Variants in C11orf65 observed in about 807,000 individuals in gnomAD.
C11orf65 encodes protein MFI.
Under a neutral mutation model 35.3 loss-of-function variants are expected in C11orf65, and 38 were observed. That is an observed-to-expected ratio of 1.08 (90% CI 0.83 to 1.41). The LOEUF is 1.41. C11orf65 is among the 40% of genes most tolerant of loss of function. C11orf65 has a pLI of 0.00. For synonymous variants in C11orf65, 105 were observed against 114.4 expected, an observed-to-expected ratio of 0.92 and a Z score of 0.53; for missense variants, 370 against 367.1, an observed-to-expected ratio of 1.01 and a Z score of -0.06.
At chr11:108,429,419 T>TAA (rs34209999) in intron 3 of C11orf65, among the ~76,000 whole-genome samples, 39 of 152,264 alleles carry the variant, frequency 2.6e-4, no homozygotes, top group Admixed American at 2.2e-3. Context: ...TGTTTTATAA[T>TAA]AAAAATCAAA....
At chr11:108,413,465 A>C (rs562029399) in intron 3 of C11orf65, among the ~76,000 whole-genome samples, 1 of 152,330 alleles carries the variant, frequency 6.6e-6, no homozygotes, top group South Asian at 2.1e-4. Context: ...TCATGTCACC[A>C]GTAGAAAAAA....
At chr11:108,448,812 G>A (rs546403376) in intron 2 of C11orf65, among the ~76,000 whole-genome samples, 2,674 of 152,136 alleles carry the variant, frequency 0.018, 73 homozygotes, top group African/African-American at 0.061. Context: ...GGAAATAAAG[G>A]GTATTCAATT....
At position 108,406,826 on chromosome 11, in the gene C11orf65, T is replaced by A. The variant is rs781128939; in HGVS notation, c.366A>T (p.Glu122Asp). The part of the protein sequence containing the change: ...TSHNKNDHLQ[E>D]EDHSGWYHRI... ...GATGATACCAGCCACTATGATCCTCTTCCTGAAGATGATCATTTTTATTAT... is the reference window on the plus strand; with the variant it reads ...GATGATACCAGCCACTATGATCCTCATCCTGAAGATGATCATTTTTATTAT... The change falls in exon 5 of 9, where the codon GAA (glutamate) becomes GAT (aspartate). Residue 122 changes from glutamate (E) to aspartate (D), a missense_variant. Coordinates refer to ENST00000393084, the MANE Select transcript of C11orf65 (RefSeq NM_152587.5). 1.1e-5 allele frequency: 18 copies of A among 1,613,366 alleles called. No homozygotes were observed. The Admixed American group carries it at 3.0e-4, about 27-fold the overall frequency.
chr11:108,375,509 C>T (rs1311720742), intron 2 of C11orf65, among the ~76,000 whole-genome samples: 4 of 150,482 alleles, frequency 2.7e-5, no homozygotes, highest in East Asian at 3.9e-4. Context: ...AAGGAACAAC[C>T]AGTACCAGCC....
chr11:108,381,975 T>C (rs2091875479), downstream of C11orf65, among the ~76,000 whole-genome samples: 1 of 152,104 alleles, frequency 6.6e-6, no homozygotes, highest in Non-Finnish European at 1.5e-5. Flanking sequence ...TGCTCAGCCA[T>C]GTTATGAGGC....
intron 2 of C11orf65, among the ~76,000 whole-genome samples, chr11:108,352,288 A>G (rs2089303405): frequency 6.6e-6 from 1 of 152,234 alleles, no homozygotes; most frequent in African/African-American, 2.4e-5. Context: ...ATTAAAATAT[A>G]GTAAGTCTCA....
upstream of C11orf65, among the ~76,000 whole-genome samples, chr11:108,467,840 C>A (rs2093557504): frequency 6.6e-6 from 1 of 152,044 alleles, no homozygotes; most frequent in South Asian, 2.1e-4. Flanking sequence ...TAAAATTTTT[C>A]TTGAGATAGG....
chr11:108,392,338 A>G (rs897724846), intron 7 of C11orf65, among the ~76,000 whole-genome samples: 1 of 152,182 alleles, frequency 6.6e-6, no homozygotes, highest in African/African-American at 2.4e-5. Context: ...CACCATGCCC[A>G]GCCCACTAAT....
rs2136339054 is a variant in C11orf65 at position 108,326,199 on chromosome 11, AAG to A, written c.641-17130_641-17129del. On this transcript the variant is annotated intron_variant, in intron 6 of 6. Coordinates refer to the C11orf65 transcript ENST00000525729. ...CCTGAGTATTCTCAAGCAAATGATC[AAG>A]AAGTTGGATGCCAGCTGTGCAGCGG... is the stretch of plus-strand genomic sequence containing the variant. The A allele has an allele frequency of 6.2e-7, 1 of 1,614,174 alleles. No homozygotes were observed. Among genetic ancestry groups the A allele is most frequent in the Non-Finnish European group, 8.5e-7 (1 of 1,180,014 alleles).
chr11:108,398,963 C>A (rs2138526649), intron 6 of C11orf65, among the ~76,000 whole-genome samples: 1 of 152,236 alleles, frequency 6.6e-6, no homozygotes, highest in East Asian at 1.9e-4. Flanking sequence ...AGCCTGTCAC[C>A]AACTAGCCAG....
In C11orf65 at chr11:108,429,846, T is replaced by C. The variant is rs976652426; in HGVS notation, c.174+1900A>G. 9.9e-5 allele frequency among the ~76,000 whole-genome samples: 15 copies of C among 152,266 alleles called. No homozygotes were observed. In the South Asian group the frequency reaches 2.9e-3, roughly 29 times the overall value. On this transcript the variant is annotated intron_variant, in intron 3 of 8. Transcript: ENST00000393084. The stretch of plus-strand genomic sequence containing the variant: ...AGAAATCCCGCAATAAACTATTACA[T>C]GGGTGAATCTTGAGGACACTGTGCT...
chr11:108,457,660 A>G (rs1037915729), intron 2 of C11orf65, among the ~76,000 whole-genome samples: 2 of 152,094 alleles, frequency 1.3e-5, no homozygotes, highest in African/African-American at 4.8e-5. Flanking sequence ...GAAAGTTAAA[A>G]ACGGTTGCTT....
rs79452420 is a variant in C11orf65 at position 108,363,731 on chromosome 11, G to C, written c.227-28439C>G. On this transcript the variant is annotated intron_variant, in intron 2 of 3. Coordinates refer to the C11orf65 transcript ENST00000524755. ...TCCTTTACTGTTTCCAACCACTTCT[G>C]TCTTGTCAGACTGAAACATAATTTT... Among the ~76,000 whole-genome samples, 472 of 152,244 alleles carry C rather than the reference G, an allele frequency of 3.1e-3. 1 individual carries two copies. The highest frequency in any genetic ancestry group is 0.011 in the African/African-American group (455 of 41,538).
In C11orf65 at chr11:108,407,168, T is replaced by G. The variant is rs372353839; in HGVS notation, c.175-19A>C. The G allele has an allele frequency of 4.7e-6, 7 of 1,496,700 alleles. No individual in the cohort carries two copies. In the African/African-American group the frequency reaches 9.9e-5, roughly 21 times the overall value. 92.7% of individuals were successfully genotyped at this position (1,496,700 alleles called of 1,614,324 possible). On this transcript the variant is annotated intron_variant, in intron 3 of 8. Coordinates refer to ENST00000393084, the MANE Select transcript of C11orf65 (RefSeq NM_152587.5). ...GCTCTGCCTATAAGAAAATATATTA[T>G]TCTTATATATTATTCTTCAGGATTC...
At chr11:108,433,068 C>T (rs1202503925) in intron 2 of C11orf65, among the ~76,000 whole-genome samples, 1 of 151,964 alleles carries the variant, frequency 6.6e-6, no homozygotes, top group Non-Finnish European at 1.5e-5. Flanking sequence ...ATATCAGGGT[C>T]TTCAGCTGAA....
At chr11:108,389,702 CA>C (rs1464584756) in intron 7 of C11orf65, among the ~76,000 whole-genome samples, 1 of 152,100 alleles carries the variant, frequency 6.6e-6, no homozygotes, top group African/African-American at 2.4e-5. Flanking sequence ...TGTTTTGAGA[CA>C]GAGTCTCGCT....
chr11:108,331,827 G>T (rs2136510868), intron 3 of C11orf65: 3 of 1,573,534 alleles, frequency 1.9e-6, no homozygotes, highest in Admixed American at 3.3e-5. Context: ...TGAAAAATAT[G>T]GATTATATTT....
At chr11:108,452,011 G>A (rs2093354139) in intron 2 of C11orf65, among the ~76,000 whole-genome samples, 1 of 152,146 alleles carries the variant, frequency 6.6e-6, no homozygotes, top group African/African-American at 2.4e-5. Flanking sequence ...AATTCAAGAT[G>A]GATTAAAGAC....
At chr11:108,349,730 C>A (rs1188774801) in intron 2 of C11orf65, among the ~76,000 whole-genome samples, 1 of 152,140 alleles carries the variant, frequency 6.6e-6, no homozygotes, top group African/African-American at 2.4e-5. Context: ...GAGAAATTTG[C>A]TGCAGGAATG....
Sources: allele counts gnomAD v4.1 joint callset (sites outside exome capture counted in the v4.1 genomes callset), GRCh38; gene constraint gnomAD v4.1.1; transcripts MANE v1.5; gene names NCBI Gene and HGNC (gene_info 2026-07-23, HGNC 2026-07-21).